Variants in MSRA observed in about 807,000 individuals in gnomAD.
MSRA encodes the protein mitochondrial peptide methionine sulfoxide reductase.
Under a neutral mutation model 31.3 loss-of-function variants are expected in MSRA, and 54 were observed. The observed-to-expected ratio is 1.73, with a 90% CI of 1.39 to 2.17. The LOEUF (loss-of-function observed/expected upper bound fraction) is 2.17. Ranked by LOEUF, MSRA falls within the 30% of genes most tolerant of loss-of-function variation. MSRA has a pLI of 0.00. For missense variants in MSRA, 507 were observed against 300.9 expected (o/e 1.69, Z -5.07); for synonymous variants, 169 against 116.5 (o/e 1.45, Z -2.90).
At chr8:10,175,749 G>A (rs1230452122) in intron 1 of MSRA, among the ~76,000 whole-genome samples, 1 of 152,202 alleles carries the variant, frequency 6.6e-6, no homozygotes, top group African/African-American at 2.4e-5. Context: ...GGTAATCATT[G>A]TCACGGAGGA....
At chr8:10,205,760 G>C (rs1585165980) in intron 1 of MSRA, among the ~76,000 whole-genome samples, 1 of 152,156 alleles carries the variant, frequency 6.6e-6, no homozygotes, top group Non-Finnish European at 1.5e-5. Context: ...TCTTCTGCCA[G>C]TCTTTTCACA....
chr8:10,426,638 C>T (rs542217692), intron 5 of MSRA, among the ~76,000 whole-genome samples: 16 of 152,332 alleles, frequency 1.1e-4, no homozygotes, highest in Admixed American at 6.5e-4. Flanking sequence ...ATGCAGTCTG[C>T]GAGCTTTCCG....
intron 1 of MSRA, among the ~76,000 whole-genome samples, chr8:10,193,424 G>C (rs1807698766): frequency 6.6e-6 from 1 of 152,186 alleles, no homozygotes; most frequent in South Asian, 2.1e-4. Context: ...ATTCAGCAAA[G>C]CTCCATTCAG....
At position 10,297,949 on chromosome 8, in the gene MSRA, T is replaced by G. The variant is rs574216904; in HGVS notation, c.332-3585T>G. ...GATTTCTTATCTGGGCTACAGCCTG[T>G]GTGACATTTGTTGTCACTTCATGGC... On this transcript the variant is annotated intron_variant, in intron 3 of 5. Transcript: ENST00000317173. Among the ~76,000 whole-genome samples the G allele has an allele frequency of 3.9e-5, 6 of 152,366 alleles. No homozygotes were observed. The South Asian group carries it at 1.2e-3, about 32-fold the overall frequency.
intron 5 of MSRA, among the ~76,000 whole-genome samples, chr8:10,407,380 A>G (rs1343409511): frequency 6.6e-6 from 1 of 152,176 alleles, no homozygotes; most frequent in Non-Finnish European, 1.5e-5. Flanking sequence ...AGCAGTCCAG[A>G]CAAAGGTGGG....
intron 1 of MSRA, among the ~76,000 whole-genome samples, chr8:10,203,311 G>C (rs143104985): frequency 6.6e-6 from 1 of 152,154 alleles, no homozygotes; most frequent in African/African-American, 2.4e-5. Context: ...GAGTTCCCTT[G>C]TATCCAGGTC....
intron 2 of MSRA, among the ~76,000 whole-genome samples, chr8:10,228,246 G>C (rs1052948855): frequency 6.6e-6 from 1 of 152,160 alleles, no homozygotes; most frequent in African/African-American, 2.4e-5. Context: ...TCCTTTTGTT[G>C]CCCTGGTCAG....
At chr8:10,133,204 G>C (rs1251384859) in intron 1 of MSRA, among the ~76,000 whole-genome samples, 1 of 152,198 alleles carries the variant, frequency 6.6e-6, no homozygotes, top group Non-Finnish European at 1.5e-5. Context: ...CTGGAGACAG[G>C]GTTGGTTGGG....
At chr8:10,132,931 A>C (rs990290114) in intron 1 of MSRA, among the ~76,000 whole-genome samples, 11 of 152,252 alleles carry the variant, frequency 7.2e-5, no homozygotes, top group African/African-American at 2.7e-4. Context: ...TTGGGCTAGC[A>C]GGCCAGAAGG....
chr8:10,188,331 C>T (rs1182605682), intron 1 of MSRA, among the ~76,000 whole-genome samples: 3 of 152,178 alleles, frequency 2.0e-5, no homozygotes, highest in African/African-American at 4.8e-5. Context: ...AACTGTTCAT[C>T]ACTCCAAAGA....
chr8:10,343,502 A>C (rs1370948914), intron 5 of MSRA, among the ~76,000 whole-genome samples: 1 of 152,096 alleles, frequency 6.6e-6, no homozygotes, highest in Non-Finnish European at 1.5e-5. Flanking sequence ...TTTTCCCCCA[A>C]AGTGGAATGT....
intron 5 of MSRA, among the ~76,000 whole-genome samples, chr8:10,381,175 C>G (rs1585633930): frequency 6.6e-6 from 1 of 152,160 alleles, no homozygotes; most frequent in Non-Finnish European, 1.5e-5. Flanking sequence ...CCCTCTGTGA[C>G]CCTCTACCTA....
chr8:10,219,428 C>T (rs148570282), intron 2 of MSRA, among the ~76,000 whole-genome samples: 2,004 of 152,180 alleles, frequency 0.013, 15 homozygotes, highest in Middle Eastern at 0.027. Flanking sequence ...ATACACATCT[C>T]GTGTATGTAT....
chr8:10,307,148 AGACCTCT>A (rs1046491143), intron 4 of MSRA, among the ~76,000 whole-genome samples: 3 of 148,752 alleles, frequency 2.0e-5, no homozygotes, highest in Non-Finnish European at 3.0e-5. Context: ...CTGACTAGGA[AGACCTCT>A]TCTAAGGATG....
intron 5 of MSRA, among the ~76,000 whole-genome samples, chr8:10,384,511 C>T (rs995176018): frequency 6.6e-6 from 1 of 152,208 alleles, no homozygotes; most frequent in Admixed American, 6.5e-5. Flanking sequence ...AGGTTCTCAA[C>T]TCTGGCTGCT....
intron 3 of MSRA, 112 bp from the exon 4 acceptor site, chr8:10,301,422 C>T (rs1378465375): frequency 2.3e-5 from 17 of 739,118 alleles, no homozygotes; most frequent in Non-Finnish European, 3.9e-5. Context: ...TTCCATTCTT[C>T]CTTCACAGGG....
intron 3 of MSRA, among the ~76,000 whole-genome samples, chr8:10,270,369 A>G (rs774951482): frequency 6.6e-6 from 1 of 151,416 alleles, no homozygotes; most frequent in Non-Finnish European, 1.5e-5. Flanking sequence ...TTCGTTTTCC[A>G]TAGAAATTAT....
At chr8:10,184,807 T>A (rs748509475) in intron 1 of MSRA, among the ~76,000 whole-genome samples, 10 of 152,310 alleles carry the variant, frequency 6.6e-5, no homozygotes, top group South Asian at 2.1e-4. Flanking sequence ...CTGACAACTG[T>A]ATGCAACCAG....
chr8:10,080,084 T>C (rs867797170), intron 1 of MSRA, among the ~76,000 whole-genome samples: 6 of 152,190 alleles, frequency 3.9e-5, no homozygotes, highest in African/African-American at 1.4e-4. Context: ...ATGGTCTCAC[T>C]TGCTTTTCTC....
Sources: gnomAD v4.1 joint callset for allele counts (sites outside exome capture counted in the v4.1 genomes callset) on GRCh38, gnomAD v4.1.1 for gene constraint, MANE v1.5 for transcripts, NCBI Gene and HGNC (gene_info 2026-07-23, HGNC 2026-07-21) for gene names.